The following PLIN3 variants were observed in gnomAD, a reference collection of about 807,000 sequenced individuals.
PLIN3 encodes the protein perilipin-3.
A neutral mutation model predicts 35.9 loss-of-function variants in PLIN3; 30 were observed. That is an observed-to-expected ratio of 0.84 (90% confidence interval 0.62 to 1.13). PLIN3 has a LOEUF of 1.13. Ranked by LOEUF, PLIN3 falls within the 50% of genes most tolerant of loss-of-function variation. The probability of loss-of-function intolerance (pLI) is 0.00; values close to 1 mark genes in which losing one functional copy is unlikely to be tolerated. For missense variants in PLIN3, 603 were observed against 596.9 expected (o/e 1.01, Z -0.11); for synonymous variants, 261 against 262.5 (o/e 0.99, Z 0.06).
intron 5 of PLIN3, among the ~76,000 whole-genome samples, chr19:4,850,587 A>ATTTTTTTT (rs71170860): frequency 8.0e-6 from 1 of 124,640 alleles, no homozygotes; most frequent in African/African-American, 3.2e-5. Context: ...CGCCCGGCTA[A>ATTTTTTTT]TTTTTTTTTT....
chr19:4,863,846 A>C (rs977246173), intron 1 of PLIN3, among the ~76,000 whole-genome samples: 2 of 150,212 alleles, frequency 1.3e-5, no homozygotes, highest in Non-Finnish European at 2.9e-5. Context: ...AAAAAAGAAA[A>C]CAAAACAAAA....
rs368564031 is a variant in PLIN3, at chr19:4,864,704, G to A, written c.-18+2905C>T. 3.0e-4 allele frequency among the ~76,000 whole-genome samples: 46 copies of A among 152,158 alleles called. No homozygotes were observed. In the South Asian group the frequency reaches 9.3e-3, roughly 31 times the overall value. ...TCCAGGTCAGGGGTGTGGGGAGGAC[G>A]GGGTTCCCCAGGTGAGTCTATGTAA... On this transcript the variant is annotated intron_variant, in intron 1 of 7. Transcript: ENST00000221957.
At chr19:4,851,100 G>T (rs1034310226) in intron 5 of PLIN3, among the ~76,000 whole-genome samples, 1 of 152,112 alleles carries the variant, frequency 6.6e-6, no homozygotes, top group African/African-American at 2.4e-5. Flanking sequence ...GGAGTTGGAG[G>T]CTGCATTGAG....
intron 1 of PLIN3, among the ~76,000 whole-genome samples, chr19:4,862,816 A>C (rs1157965890): frequency 6.6e-6 from 1 of 152,216 alleles, no homozygotes; most frequent in East Asian, 1.9e-4. Context: ...TACTGGCCAC[A>C]ACATGACACT....
rs182966783 is a variant in PLIN3, at chr19:4,847,502, G to A, written c.834+189C>T. On this transcript the variant is annotated intron_variant, in intron 6 of 7. Transcript: ENST00000221957. ...AAAGAGGTGTGAGCCACTGTGCCCG[G>A]CCCCAGACAGTGTGGTTTGTGGCAG... is the stretch of plus-strand genomic sequence containing the variant. Among the ~76,000 whole-genome samples the A allele has an allele frequency of 3.2e-3, 482 of 152,168 alleles. 7 individuals are homozygous for A. In the South Asian group the frequency reaches 0.034, roughly 11 times the overall value.
intron 1 of PLIN3, among the ~76,000 whole-genome samples, chr19:4,861,937 CT>C (rs557508442): frequency 3.9e-3 from 555 of 142,448 alleles, no homozygotes; most frequent in African/African-American, 0.011. Context: ...CTGATCCTTT[CT>C]TTTTTTTTTT....
intron 1 of PLIN3, among the ~76,000 whole-genome samples, 190 bp from the exon 2 acceptor site, chr19:4,861,601 C>T (rs937467564): frequency 2.7e-5 from 4 of 150,710 alleles, no homozygotes; most frequent in Non-Finnish European, 5.9e-5. Flanking sequence ...TCTAAAGCTT[C>T]GGGATGGGGC....
chr19:4,857,568 CA>C (rs1028318940), intron 4 of PLIN3, among the ~76,000 whole-genome samples: 7 of 149,646 alleles, frequency 4.7e-5, no homozygotes, highest in East Asian at 2.0e-4. Context: ...GAACCTGTCT[CA>C]AAAAAAAAAT....
At position 4,861,424 on chromosome 19, in the gene PLIN3, G is replaced by T. The variant is rs1257716731; in HGVS notation, c.-17-13C>A. 3 of 1,595,762 alleles carry T rather than the reference G, an allele frequency of 1.9e-6. No individual in the cohort carries two copies. Among genetic ancestry groups the T allele is most frequent in the Non-Finnish European group, 1.7e-6 (2 of 1,168,202 alleles). ...TCTGCAGCAGACGCTGAGGAGAGAGGAACAGTCAGGTACAGCCTGCCTGGC... is the reference window on the plus strand; with the variant it reads ...TCTGCAGCAGACGCTGAGGAGAGAGTAACAGTCAGGTACAGCCTGCCTGGC... On this transcript the variant is annotated splice_polypyrimidine_tract_variant and intron_variant, in intron 1 of 7. Coordinates refer to ENST00000221957, the MANE Select transcript of PLIN3 (RefSeq NM_005817.5).
intron 2 of PLIN3, among the ~76,000 whole-genome samples, chr19:4,860,602 G>C (rs1056401770): frequency 3.3e-5 from 5 of 152,210 alleles, no homozygotes; most frequent in African/African-American, 1.2e-4. Flanking sequence ...TCTCATGGCA[G>C]TTAGGGTCTA....
chr19:4,841,549 T>C (rs1173005252), intron 7 of PLIN3, among the ~76,000 whole-genome samples: 1 of 150,922 alleles, frequency 6.6e-6, no homozygotes, highest in East Asian at 1.9e-4. Context: ...CAGCGATGTG[T>C]ATGCTTTAAA....
chr19:4,844,942 C>G, intron 6 of PLIN3, 149 bp from the exon 7 acceptor site: 2 of 906,054 alleles, frequency 2.2e-6, no homozygotes, highest in Admixed American at 2.9e-5. Flanking sequence ...TTCCTGGCTA[C>G]GGTGAGCTCT....
intron 4 of PLIN3, among the ~76,000 whole-genome samples, chr19:4,857,124 G>T (rs1019703101): frequency 3.0e-4 from 46 of 152,136 alleles, no homozygotes; most frequent in African/African-American, 1.1e-3. Context: ...TAGAGACAGG[G>T]TCTTTAAAAA....
rs780847626 is a variant in PLIN3 at position 4,861,362 on chromosome 19, G to C, written c.33C>G (p.Ser11Arg). Residue 11 changes from serine to arginine, a missense_variant, in exon 2 of 8, where the codon AGC (serine) becomes AGG (arginine). By Grantham distance (110) the Ser-to-Arg change is moderately radical. Coordinates refer to ENST00000221957, the MANE Select transcript of PLIN3 (RefSeq NM_005817.5). MSADGAEADGSTQVTVEEPVQ... is the reference protein window; with the variant it reads MSADGAEADGRTQVTVEEPVQ... Reference sequence around the variant, plus strand: ...CCGGTTCTTCCACTGTCACCTGGGTGCTGCCATCAGCCTCTGCCCCGTCGG... The same window carrying C: ...CCGGTTCTTCCACTGTCACCTGGGTCCTGCCATCAGCCTCTGCCCCGTCGG... The C allele has an allele frequency of 6.2e-7, 1 of 1,613,726 alleles. No individual in the cohort carries two copies. Among genetic ancestry groups the C allele is most frequent in the Admixed American group, 1.7e-5 (1 of 60,016 alleles).
rs1265262637 is a variant in PLIN3, at chr19:4,839,393, G to A, written c.1104C>T (p.Asp368=). The change falls in exon 8 of 8, where the codon GAC becomes GAT. Residue 368 remains aspartate (D), a synonymous_variant. Coordinates refer to ENST00000221957, the MANE Select transcript of PLIN3 (RefSeq NM_005817.5). Reference sequence around the variant, plus strand: ...GGATGCTGGAAAACGTGGCCTGGAGGTCCTCCACCTGGCGGCGGGCCTGCT... The same window carrying A: ...GGATGCTGGAAAACGTGGCCTGGAGATCCTCCACCTGGCGGCGGGCCTGCT... ...QVQQARRQVE[D]LQATFSSIHS... 1.2e-6 allele frequency: 2 copies of A among 1,611,408 alleles called. No individual in the cohort carries two copies. The highest frequency in any genetic ancestry group is 2.7e-5 in the African/African-American group (2 of 74,890).
At chr19:4,864,395 C>T (rs537093723) in intron 1 of PLIN3, among the ~76,000 whole-genome samples, 1 of 151,276 alleles carries the variant, frequency 6.6e-6, no homozygotes, top group Non-Finnish European at 1.5e-5. Context: ...GTGATCCACC[C>T]GCCTCAGCCT....
intron 1 of PLIN3, among the ~76,000 whole-genome samples, chr19:4,865,239 A>G (rs969389397): frequency 2.6e-5 from 4 of 152,006 alleles, no homozygotes; most frequent in African/African-American, 9.7e-5. Flanking sequence ...CTGTAATCCC[A>G]GCACTTTGGG....
chr19:4,859,993 G>A lies in PLIN3; in HGVS notation c.98C>T (p.Pro33Leu). 2 of 1,614,096 alleles carry A rather than the reference G, an allele frequency of 1.2e-6. No individual in the cohort carries two copies. The highest frequency in any genetic ancestry group is 1.7e-6 in the Non-Finnish European group (2 of 1,180,016). The change falls in exon 3 of 8, where the codon CCT becomes CTT. Residue 33 changes from proline to leucine, a missense_variant. Transcript: ENST00000221957. ...CATGTCGCAGGTGGAGCTGATCAGA[G>A]GCATGCTGGCCACACGGTCCACCAC... The part of the protein sequence containing the change: ...PSVVDRVASM[P>L]LISSTCDMVS...
chr19:4,851,968 C>G lies in PLIN3; in HGVS notation c.634+48G>C, dbSNP rs752357573. On this transcript the variant is annotated intron_variant, in intron 5 of 7. Transcript: ENST00000221957. ...CAGGAGGCCGACAGCGGCTTCCGGTCAGGGGGCCTGGGGAGGGGTCCCAGA... is the reference window on the plus strand; with the variant it reads ...CAGGAGGCCGACAGCGGCTTCCGGTGAGGGGGCCTGGGGAGGGGTCCCAGA... 6.3e-6 allele frequency: 10 copies of G among 1,576,302 alleles called. 1 individual carries two copies. In the Admixed American group the frequency reaches 1.4e-4, roughly 22 times the overall value.
Sources: allele counts gnomAD v4.1 joint callset (sites outside exome capture counted in the v4.1 genomes callset), GRCh38; gene constraint gnomAD v4.1.1; transcripts MANE v1.5; gene names NCBI Gene and HGNC (gene_info 2026-07-23, HGNC 2026-07-21).